The following DOCK2 variants were observed in gnomAD, a reference collection of about 807,000 sequenced individuals.
DOCK2 encodes the protein dedicator of cytokinesis 2, also known as dedicator of cytokinesis protein 2.
DOCK2 carries 87 observed loss-of-function variants against 248.9 expected under a neutral mutation model. That is an observed-to-expected ratio of 0.35 (90% CI 0.29 to 0.42). DOCK2 has a LOEUF of 0.42. DOCK2 is among the 10% of genes least tolerant of loss of function. The probability of loss-of-function intolerance (pLI) is 1.00; values close to 1 mark genes in which losing one functional copy is unlikely to be tolerated. For missense variants in DOCK2, 1,747 were observed against 2,300.2 expected (o/e 0.76, Z 4.92); for synonymous variants, 805 against 821.6 (o/e 0.98, Z 0.35).
intron 38 of DOCK2, among the ~76,000 whole-genome samples, chr5:170,042,850 C>T (rs1409881206): frequency 1.3e-5 from 2 of 152,178 alleles, no homozygotes; most frequent in Non-Finnish European, 2.9e-5. Context: ...ATTTAGAATG[C>T]TATGAGAGCA....
chr5:169,821,759 C>G (rs557290039), intron 26 of DOCK2, among the ~76,000 whole-genome samples: 1 of 152,306 alleles, frequency 6.6e-6, no homozygotes, highest in East Asian at 1.9e-4. Context: ...ATTAAATTCA[C>G]ACATAACAAT....
intron 1 of DOCK2, among the ~76,000 whole-genome samples, chr5:169,650,063 G>A (rs1181910508): frequency 1.3e-5 from 2 of 152,144 alleles, no homozygotes; most frequent in African/African-American, 2.4e-5. Flanking sequence ...CTCCCCTAGT[G>A]TTGGGATTAC....
chr5:169,700,513 T>G (rs142837584), intron 13 of DOCK2, among the ~76,000 whole-genome samples: 1 of 146,126 alleles, frequency 6.8e-6, no homozygotes, highest in South Asian at 2.2e-4. Flanking sequence ...ATATTGTCAT[T>G]CTCTTATATT....
In DOCK2 at chr5:169,929,076, C is replaced by T. The variant is rs368568410; in HGVS notation, c.2800-53992C>T. ...AGGTCAACCTGGGCCCACAGCTGGCCAGGTAGACTGAAGTTCTGTCATGCC... is the reference window on the plus strand; with the variant it reads ...AGGTCAACCTGGGCCCACAGCTGGCTAGGTAGACTGAAGTTCTGTCATGCC... On this transcript the variant is annotated intron_variant, in intron 27 of 51. Transcript: ENST00000520908. Among the ~76,000 whole-genome samples the T allele has an allele frequency of 3.0e-4, 46 of 152,304 alleles. 1 individual carries two copies. Among genetic ancestry groups the T allele is most frequent in the South Asian group, 2.1e-3 (10 of 4,826 alleles).
At chr5:169,688,211 C>G (rs1262042235) in intron 8 of DOCK2, among the ~76,000 whole-genome samples, 1 of 152,250 alleles carries the variant, frequency 6.6e-6, no homozygotes, top group Non-Finnish European at 1.5e-5. Context: ...CAGGCATGAG[C>G]CACTGTGCCC....
chr5:169,724,633 A>C (rs1370380019), intron 22 of DOCK2, among the ~76,000 whole-genome samples: 1 of 152,134 alleles, frequency 6.6e-6, no homozygotes, highest in Non-Finnish European at 1.5e-5. Context: ...TTCGCAGCTC[A>C]GCGACGCCTC....
chr5:170,035,274 G>A (rs1756284799), intron 35 of DOCK2, among the ~76,000 whole-genome samples: 1 of 152,186 alleles, frequency 6.6e-6, no homozygotes, highest in East Asian at 1.9e-4. Context: ...TTAAAAGAAT[G>A]AAGTTGACCA....
intron 27 of DOCK2, among the ~76,000 whole-genome samples, chr5:169,900,311 T>G (rs1773850239): frequency 6.6e-6 from 1 of 152,224 alleles, no homozygotes; most frequent in South Asian, 2.1e-4. Flanking sequence ...GAGCCAGGCT[T>G]TCTATGATGA....
chr5:169,691,307 C>A (rs1372776184), intron 9 of DOCK2, among the ~76,000 whole-genome samples: 1 of 152,174 alleles, frequency 6.6e-6, no homozygotes, highest in East Asian at 1.9e-4. Context: ...TCAGGCCCCA[C>A]CTCCAGCCTG....
intron 1 of DOCK2, among the ~76,000 whole-genome samples, chr5:169,651,557 A>G (rs1167201415): frequency 6.6e-6 from 1 of 152,056 alleles, no homozygotes; most frequent in African/African-American, 2.4e-5. Context: ...ACTAACACAC[A>G]TTGTGCCTGG....
At chr5:169,961,472 C>T (rs1561852604) in intron 27 of DOCK2, among the ~76,000 whole-genome samples, 3 of 152,182 alleles carry the variant, frequency 2.0e-5, no homozygotes, top group Non-Finnish European at 2.9e-5. Flanking sequence ...GAAATTTAAA[C>T]GTGTTCATTT....
At chr5:169,772,544 G>A (rs951863504) in intron 25 of DOCK2, among the ~76,000 whole-genome samples, 2 of 152,164 alleles carry the variant, frequency 1.3e-5, no homozygotes, top group African/African-American at 4.8e-5. Context: ...ATCTCATTTA[G>A]TGCACAGTTG....
At chr5:170,070,917 CT>C (rs1757657933) in intron 46 of DOCK2, among the ~76,000 whole-genome samples, 1 of 152,206 alleles carries the variant, frequency 6.6e-6, no homozygotes, top group South Asian at 2.1e-4. Context: ...AGCCGGAAGG[CT>C]TTGAAAGCAT....
chr5:169,968,317 CT>C (rs1317460178), intron 27 of DOCK2, among the ~76,000 whole-genome samples: 2 of 152,074 alleles, frequency 1.3e-5, no homozygotes, highest in Non-Finnish European at 2.9e-5. Context: ...CGAGGCAGTC[CT>C]TTTAACCTCT....
chr5:169,865,253 G>A (rs1771472597), intron 27 of DOCK2, among the ~76,000 whole-genome samples: 1 of 152,196 alleles, frequency 6.6e-6, no homozygotes, highest in Non-Finnish European at 1.5e-5. Context: ...ATTGTCCCGT[G>A]CTGATTATCA....
At chr5:169,719,426 T>C (rs1247045952) in intron 22 of DOCK2, among the ~76,000 whole-genome samples, 1 of 152,194 alleles carries the variant, frequency 6.6e-6, no homozygotes, top group Non-Finnish European at 1.5e-5. Context: ...ATCAGGTTGG[T>C]TGTGTGTGAT....
intron 47 of DOCK2, 146 bp downstream of exon 47, chr5:170,076,230 C>T: frequency 8.0e-7 from 1 of 1,246,006 alleles, no homozygotes. Flanking sequence ...TGGATCCCAT[C>T]CAGGGGAACC....
intron 44 of DOCK2, among the ~76,000 whole-genome samples, chr5:170,059,400 A>G (rs1237075401): frequency 6.6e-6 from 1 of 152,148 alleles, no homozygotes; most frequent in African/African-American, 2.4e-5. Context: ...TCTGCCCATT[A>G]GCCCTGACTG....
At chr5:170,035,500 A>C (rs1188655045) in intron 35 of DOCK2, among the ~76,000 whole-genome samples, 2 of 152,174 alleles carry the variant, frequency 1.3e-5, no homozygotes, top group African/African-American at 4.8e-5. Flanking sequence ...TAATAACTCC[A>C]CCAGGCCCAG....
Sources: gnomAD v4.1 joint callset for allele counts (sites outside exome capture counted in the v4.1 genomes callset) on GRCh38, gnomAD v4.1.1 for gene constraint, MANE v1.5 for transcripts, NCBI Gene and HGNC (gene_info 2026-07-23, HGNC 2026-07-21) for gene names.